MAPKAP1: variants seen among roughly 807,000 people sequenced by gnomAD.
The protein encoded by MAPKAP1 is MAPK associated protein 1, also known as target of rapamycin complex 2 subunit MAPKAP1.
In MAPKAP1, 20 loss-of-function variants were observed where a neutral mutation model predicts 65.7. That is an observed-to-expected ratio of 0.30 (90% CI 0.21 to 0.44). The LOEUF (loss-of-function observed/expected upper bound fraction) is 0.44, where lower values mean the gene tolerates loss of function less well. MAPKAP1 is among the 20% of genes least tolerant of loss of function. The pLI is 1.00. For missense variants in MAPKAP1, 423 were observed against 648.0 expected, an observed-to-expected ratio of 0.65 and a Z score of 3.77; for synonymous variants, 222 against 244.3, an observed-to-expected ratio of 0.91 and a Z score of 0.85.
intron 5 of MAPKAP1, among the ~76,000 whole-genome samples, chr9:125,569,492 C>A (rs1831164755): frequency 6.6e-6 from 1 of 152,166 alleles, no homozygotes; most frequent in South Asian, 2.1e-4. Context: ...TTAAATTTTC[C>A]TTTCTCTGAA....
intron 10 of MAPKAP1, among the ~76,000 whole-genome samples, chr9:125,458,768 G>A (rs1853307864): frequency 6.7e-6 from 1 of 148,600 alleles, no homozygotes. Flanking sequence ...GGGCAGAGGG[G>A]CTCTTCACAT....
chr9:125,677,483 G>A (rs1043062432), intron 1 of MAPKAP1, among the ~76,000 whole-genome samples: 21 of 152,122 alleles, frequency 1.4e-4, no homozygotes, highest in African/African-American at 4.6e-4. Flanking sequence ...ATCACCTGAG[G>A]TCAGGAGTTC....
chr9:125,508,206 A>T (rs1829200897), intron 7 of MAPKAP1, among the ~76,000 whole-genome samples: 1 of 152,216 alleles, frequency 6.6e-6, no homozygotes, highest in Non-Finnish European at 1.5e-5. Flanking sequence ...AAAGTATGGA[A>T]GGAAATGCAG....
intron 5 of MAPKAP1, chr9:125,565,747 A>G (rs1350453914): frequency 2.6e-6 from 1 of 383,978 alleles, no homozygotes; most frequent in Non-Finnish European, 5.3e-6. Flanking sequence ...CCTGCAAAAA[A>G]AAAAAAAAAA....
intron 4 of MAPKAP1, among the ~76,000 whole-genome samples, chr9:125,645,304 A>T (rs1264898232): frequency 6.6e-6 from 1 of 152,234 alleles, no homozygotes; most frequent in Non-Finnish European, 1.5e-5. Flanking sequence ...GCCAGCCTCA[A>T]GTAAAACACA....
chr9:125,446,083 TATTA>T (rs1852704163), intron 10 of MAPKAP1, among the ~76,000 whole-genome samples: 1 of 152,202 alleles, frequency 6.6e-6, no homozygotes, highest in African/African-American at 2.4e-5. Context: ...TGGTCATAGT[TATTA>T]ATTAATAATA....
chr9:125,609,789 A>T (rs1048026339), intron 4 of MAPKAP1, among the ~76,000 whole-genome samples: 18 of 152,148 alleles, frequency 1.2e-4, no homozygotes, highest in Non-Finnish European at 2.4e-4. Context: ...CACATTTAAC[A>T]CTCTATTAAC....
intron 1 of MAPKAP1, among the ~76,000 whole-genome samples, chr9:125,705,184 TA>T (rs1311861247): frequency 6.6e-6 from 1 of 152,114 alleles, no homozygotes; most frequent in Non-Finnish European, 1.5e-5. Flanking sequence ...TGTACTTGCA[TA>T]AAAAGAGGGA....
At chr9:125,665,577 G>C (rs922736493) in intron 3 of MAPKAP1, among the ~76,000 whole-genome samples, 5 of 151,404 alleles carry the variant, frequency 3.3e-5, no homozygotes, top group Non-Finnish European at 7.4e-5. Context: ...GACTCTTTTC[G>C]GACTCAGCCC....
chr9:125,596,089 G>A, intron 4 of MAPKAP1: 1 of 1,010,988 alleles, frequency 9.9e-7, no homozygotes, highest in Non-Finnish European at 1.6e-6. Context: ...GACCGAGGCA[G>A]TGGCAAGAAA....
chr9:125,585,881 G>A (rs1468361990), intron 4 of MAPKAP1, among the ~76,000 whole-genome samples, 154 bp from the exon 5 acceptor site: 3 of 152,180 alleles, frequency 2.0e-5, no homozygotes, highest in Non-Finnish European at 4.4e-5. Flanking sequence ...ACACTGTCTA[G>A]TTTCAAGGAT....
chr9:125,706,210 G>A (rs1423413797), intron 1 of MAPKAP1, among the ~76,000 whole-genome samples: 1 of 152,022 alleles, frequency 6.6e-6, no homozygotes, highest in Non-Finnish European at 1.5e-5. Context: ...TAACATTACG[G>A]ATCCACCTCT....
At chr9:125,696,452 AAAAC>A (rs1253333067) in intron 1 of MAPKAP1, 2 of 152,072 alleles carry the variant, frequency 1.3e-5, no homozygotes, top group African/African-American at 4.8e-5. Context: ...AACAAACAAA[AAAAC>A]AAATAAAACA....
At chr9:125,620,660 A>G (rs1262212683) in intron 4 of MAPKAP1, among the ~76,000 whole-genome samples, 2 of 152,234 alleles carry the variant, frequency 1.3e-5, no homozygotes, top group African/African-American at 4.8e-5. Context: ...CAAACAATGG[A>G]ATACTATGCA....
intron 8 of MAPKAP1, among the ~76,000 whole-genome samples, chr9:125,500,351 C>T (rs1589239210): frequency 7.3e-6 from 1 of 136,566 alleles, no homozygotes; most frequent in Non-Finnish European, 1.6e-5. Flanking sequence ...CCATCCCTGG[C>T]TTTTTTTTTT....
intron 1 of MAPKAP1, among the ~76,000 whole-genome samples, chr9:125,692,559 A>C (rs1215060443): frequency 6.6e-6 from 1 of 152,226 alleles, no homozygotes; most frequent in Non-Finnish European, 1.5e-5. Context: ...AATGTTCTGG[A>C]ATTAGTTAAT....
chr9:125,590,144 C>T (rs1381835938), intron 4 of MAPKAP1, among the ~76,000 whole-genome samples: 1 of 152,176 alleles, frequency 6.6e-6, no homozygotes, highest in Non-Finnish European at 1.5e-5. Flanking sequence ...CTATAGGATT[C>T]ACAGTCTCTC....
chr9:125,597,015 G>C (rs2131602006), intron 4 of MAPKAP1, among the ~76,000 whole-genome samples: 1 of 147,452 alleles, frequency 6.8e-6, no homozygotes, highest in East Asian at 2.0e-4. Context: ...TGTAATCCCA[G>C]CACTTTGGAG....
chr9:125,669,023 T>C (rs553214809), intron 3 of MAPKAP1, among the ~76,000 whole-genome samples: 2 of 151,972 alleles, frequency 1.3e-5, no homozygotes, highest in East Asian at 3.9e-4. Flanking sequence ...CTACTAAAAA[T>C]ACAAAACTTA....
Sources: allele counts gnomAD v4.1 joint callset (sites outside exome capture counted in the v4.1 genomes callset), GRCh38; gene constraint gnomAD v4.1.1; transcripts MANE v1.5; gene names NCBI Gene and HGNC (gene_info 2026-07-23, HGNC 2026-07-21).